NDRG3: variants seen among roughly 807,000 people sequenced by gnomAD.
NDRG3 encodes protein NDRG3.
In NDRG3, 23 loss-of-function variants were observed where a neutral mutation model predicts 57.2. The observed-to-expected ratio is 0.40, with a 90% CI of 0.29 to 0.57. NDRG3 has a LOEUF of 0.57. Ranked by LOEUF, NDRG3 falls within the 20% of genes least tolerant of loss-of-function variation. The pLI, the probability that NDRG3 is intolerant of heterozygous loss-of-function variation, is 0.42. For missense variants in NDRG3, 384 were observed against 457.3 expected (o/e 0.84, Z 1.46); for synonymous variants, 132 against 162.6 (o/e 0.81, Z 1.43).
At chr20:36,669,642 G>A (rs2148053789) in intron 9 of NDRG3, among the ~76,000 whole-genome samples, 1 of 152,320 alleles carries the variant, frequency 6.6e-6, no homozygotes, top group South Asian at 2.1e-4. Context: ...TGGGATTACA[G>A]GCGTGAGCCA....
At chr20:36,680,620 A>G (rs1034449935) in intron 8 of NDRG3, among the ~76,000 whole-genome samples, 196 bp downstream of exon 8, 1 of 152,206 alleles carries the variant, frequency 6.6e-6, no homozygotes, top group Non-Finnish European at 1.5e-5. Flanking sequence ...TCAATTAGGA[A>G]AAGATACAAC....
At chr20:36,740,737 G>C (rs2148234636) in intron 1 of NDRG3, among the ~76,000 whole-genome samples, 1 of 152,246 alleles carries the variant, frequency 6.6e-6, no homozygotes, top group Non-Finnish European at 1.5e-5. Flanking sequence ...CCCTTTCACT[G>C]AAGAGATAAA....
intron 2 of NDRG3, among the ~76,000 whole-genome samples, chr20:36,720,229 G>A (rs1419849101): frequency 6.6e-6 from 1 of 151,966 alleles, no homozygotes; most frequent in Non-Finnish European, 1.5e-5. Context: ...CTGGAGTGCA[G>A]TGGCATGATC....
At chr20:36,673,948 C>CA in intron 8 of NDRG3, among the ~76,000 whole-genome samples, 1 of 151,892 alleles carries the variant, frequency 6.6e-6, no homozygotes, top group South Asian at 2.1e-4. Context: ...ACTAAAAATA[C>CA]AAAAATTAGC....
chr20:36,660,327 G>C lies in NDRG3; in HGVS notation c.858+10C>G. On this transcript the variant is annotated intron_variant, in intron 13 of 15. Coordinates refer to ENST00000349004, the MANE Select transcript of NDRG3 (RefSeq NM_032013.4). The stretch of plus-strand genomic sequence containing the variant: ...ATAAGGGTTGGAAGTGAGGGAAGAA[G>C]GCACATTACCTTTAGCAAAGTTGTA... 1.3e-6 allele frequency: 2 copies of C among 1,595,454 alleles called. No individual in the cohort carries two copies. The highest frequency in any genetic ancestry group is 8.6e-7 in the Non-Finnish European group (1 of 1,167,158).
At chr20:36,723,832 G>A (rs1014817177) in intron 1 of NDRG3, among the ~76,000 whole-genome samples, 2 of 151,608 alleles carry the variant, frequency 1.3e-5, no homozygotes, top group African/African-American at 2.4e-5. Context: ...TCAGTCTCCC[G>A]AGAAGCTGGG....
rs375642480 is a variant in NDRG3, at chr20:36,655,963, G to A, written c.946+397C>T. Among the ~76,000 whole-genome samples, 39 of 151,976 alleles carry A rather than the reference G, an allele frequency of 2.6e-4. No individual in the cohort carries two copies. The East Asian group carries it at 4.5e-3, about 17-fold the overall frequency. ...ATCCTGGCCAACATGGTGAATCTCCGTCTCTCCTAAAAATACAAAAATTAT... is the reference window on the plus strand; with the variant it reads ...ATCCTGGCCAACATGGTGAATCTCCATCTCTCCTAAAAATACAAAAATTAT... On this transcript the variant is annotated intron_variant, in intron 15 of 15. Transcript: ENST00000349004.
At chr20:36,731,589 C>A (rs1985286249) in intron 1 of NDRG3, among the ~76,000 whole-genome samples, 1 of 151,436 alleles carries the variant, frequency 6.6e-6, no homozygotes, top group Admixed American at 6.6e-5. Flanking sequence ...GAGTGGATCA[C>A]AAGGTCAGGA....
intron 1 of NDRG3, among the ~76,000 whole-genome samples, chr20:36,739,140 A>T (rs1470884113): frequency 4.7e-5 from 6 of 128,212 alleles, no homozygotes; most frequent in African/African-American, 1.7e-4. Flanking sequence ...ATCTCAAAAA[A>T]AAAAAAAAAA....
intron 12 of NDRG3, among the ~76,000 whole-genome samples, chr20:36,664,434 A>C: frequency 6.6e-6 from 1 of 152,154 alleles, no homozygotes; most frequent in East Asian, 1.9e-4. Context: ...TGCTGGATTT[A>C]TGGTGGTAAT....
intron 1 of NDRG3, among the ~76,000 whole-genome samples, chr20:36,742,542 G>C (rs1416164757): frequency 6.6e-6 from 1 of 152,128 alleles, no homozygotes; most frequent in Non-Finnish European, 1.5e-5. Flanking sequence ...TTTGGTAAAT[G>C]AATTTTTAAA....
At chr20:36,681,060 GA>G (rs1474068573) in intron 7 of NDRG3, among the ~76,000 whole-genome samples, 158 bp from the exon 8 acceptor site, 6 of 152,190 alleles carry the variant, frequency 3.9e-5, no homozygotes, top group African/African-American at 1.4e-4. Flanking sequence ...AATAGCTCTT[GA>G]AATCTGACTT....
At chr20:36,692,572 A>G (rs112804534) in intron 3 of NDRG3, among the ~76,000 whole-genome samples, 9,707 of 152,214 alleles carry the variant, frequency 0.064, 1,081 homozygotes, top group African/African-American at 0.22. Context: ...AACAACTACC[A>G]GGAGAATACT....
chr20:36,686,019 A>G (rs1483327481), intron 5 of NDRG3, among the ~76,000 whole-genome samples: 3 of 152,232 alleles, frequency 2.0e-5, no homozygotes, highest in African/African-American at 7.2e-5. Flanking sequence ...CAAGAAAGAA[A>G]GAAAAAGTAT....
At chr20:36,702,841 T>C (rs576331586) in intron 3 of NDRG3, among the ~76,000 whole-genome samples, 2 of 152,120 alleles carry the variant, frequency 1.3e-5, no homozygotes, top group South Asian at 4.1e-4. Flanking sequence ...GGCATGCACA[T>C]GCCTGGCTAG....
chr20:36,736,669 G>A (rs1247824974), intron 1 of NDRG3, among the ~76,000 whole-genome samples: 1 of 152,104 alleles, frequency 6.6e-6, no homozygotes, highest in Non-Finnish European at 1.5e-5. Flanking sequence ...GGGGCCCTTA[G>A]GAAAGCAAAG....
chr20:36,697,591 C>A (rs1477027726), intron 3 of NDRG3, among the ~76,000 whole-genome samples: 3 of 151,958 alleles, frequency 2.0e-5, no homozygotes, highest in Non-Finnish European at 2.9e-5. Flanking sequence ...GCCTATAATC[C>A]CAGCTACTTG....
At chr20:36,695,587 T>G (rs760813156) in intron 3 of NDRG3, among the ~76,000 whole-genome samples, 37 of 152,204 alleles carry the variant, frequency 2.4e-4, no homozygotes, top group Non-Finnish European at 5.1e-4. Flanking sequence ...TAGATAGGGA[T>G]GAAACACGTC....
intron 2 of NDRG3, among the ~76,000 whole-genome samples, chr20:36,714,770 C>T (rs1287708287): frequency 6.6e-6 from 1 of 151,290 alleles, no homozygotes; most frequent in Non-Finnish European, 1.5e-5. Flanking sequence ...CGTGCCACCA[C>T]GCCCGGCTAA....
Sources: gnomAD v4.1 joint callset for allele counts (sites outside exome capture counted in the v4.1 genomes callset) on GRCh38, gnomAD v4.1.1 for gene constraint, MANE v1.5 for transcripts, NCBI Gene and HGNC (gene_info 2026-07-23, HGNC 2026-07-21) for gene names.